The following CCDC39 variants were observed in gnomAD, a reference collection of about 807,000 sequenced individuals.
CCDC39 encodes the protein coiled-coil domain-containing protein 39.
A neutral mutation model predicts 121.0 loss-of-function variants in CCDC39; 113 were observed. The observed-to-expected ratio is 0.93, with a 90% CI of 0.80 to 1.09. The LOEUF (loss-of-function observed/expected upper bound fraction) is 1.09. Ranked by LOEUF, CCDC39 falls within the 50% of genes least tolerant of loss-of-function variation. CCDC39 has a pLI of 0.00. For missense variants in CCDC39, 1,063 were observed against 1,074.7 expected, an observed-to-expected ratio of 0.99 and a Z score of 0.15; for synonymous variants, 349 against 352.2, an observed-to-expected ratio of 0.99 and a Z score of 0.10.
intron 14 of CCDC39, among the ~76,000 whole-genome samples, chr3:180,623,077 T>TA (rs1717467592): frequency 7.9e-6 from 1 of 125,790 alleles, no homozygotes; most frequent in African/African-American, 3.5e-5. Context: ...GTTTGGAGAT[T>TA]TTTATTATTA....
At chr3:180,635,904 C>A (rs543041009) in intron 13 of CCDC39, among the ~76,000 whole-genome samples, 8 of 152,286 alleles carry the variant, frequency 5.3e-5, no homozygotes, top group African/African-American at 1.9e-4. Flanking sequence ...AAAGTCAACT[C>A]CTCTTCATGT....
intron 13 of CCDC39, among the ~76,000 whole-genome samples, chr3:180,641,308 C>G (rs1717950662): frequency 6.6e-6 from 1 of 151,992 alleles, no homozygotes; most frequent in Non-Finnish European, 1.5e-5. Flanking sequence ...TAGAAATAAA[C>G]TACAGTAAAC....
chr3:180,666,616 A>C (rs886474925), intron 1 of CCDC39, among the ~76,000 whole-genome samples: 8 of 152,202 alleles, frequency 5.3e-5, no homozygotes, highest in African/African-American at 1.7e-4. Flanking sequence ...TTATAATTGC[A>C]TAATGTCCCC....
In CCDC39 at chr3:180,679,339, C is replaced by G; in HGVS notation, c.42G>C (p.Gly14=). Residue 14 remains glycine, a synonymous_variant, in exon 1 of 20, where the codon GGG becomes GGC. Transcript: ENST00000476379. The surrounding 1 kb of genome is among the most constrained non-coding windows in gnomAD (Gnocchi z 4.0). ...EFLAELHWED[G]FAIPVANEEN... Reference sequence around the variant, plus strand: ...CCTCGTTCGCCACCGGGATGGCGAACCCATCCTCCCAGTGCAGCTCAGCCA... The same window carrying G: ...CCTCGTTCGCCACCGGGATGGCGAAGCCATCCTCCCAGTGCAGCTCAGCCA... 1.2e-6 allele frequency: 2 copies of G among 1,613,910 alleles called. No homozygotes were observed. Among genetic ancestry groups the G allele is most frequent in the Non-Finnish European group, 1.7e-6 (2 of 1,179,838 alleles).
At chr3:180,664,696 A>T (rs562944513) in intron 1 of CCDC39, among the ~76,000 whole-genome samples, 4 of 147,812 alleles carry the variant, frequency 2.7e-5, no homozygotes, top group South Asian at 4.2e-4. Context: ...ACCACAAGAG[A>T]TCTTTTTTTT....
rs182116054 is a variant in CCDC39, at chr3:180,655,717, T to C, written c.739-764A>G. Among the ~76,000 whole-genome samples, 147 of 152,046 alleles carry C rather than the reference T, an allele frequency of 9.7e-4. 1 individual carries two copies. The highest frequency in any genetic ancestry group is 5.7e-4 in the Non-Finnish European group (39 of 67,966). On this transcript the variant is annotated intron_variant, in intron 6 of 19. Transcript: ENST00000476379. Reference sequence around the variant, plus strand: ...ATATTAAGAAGGGTTGGGGTCCAGATGAAAGAGATAAAGCTGGAAAGGTAG... The same window carrying C: ...ATATTAAGAAGGGTTGGGGTCCAGACGAAAGAGATAAAGCTGGAAAGGTAG...
intron 16 of CCDC39, chr3:180,617,446 C>T (rs1717289490): frequency 1.5e-6 from 1 of 684,936 alleles, no homozygotes; most frequent in Non-Finnish European, 2.7e-6. Context: ...GGAGATATTC[C>T]AGAAGAGGGC....
chr3:180,624,701 G>C (rs1299522878), intron 14 of CCDC39, among the ~76,000 whole-genome samples: 5 of 152,092 alleles, frequency 3.3e-5, no homozygotes, highest in Non-Finnish European at 5.9e-5. Context: ...AATTCCCTTA[G>C]TGTTTGCTTT....
At chr3:180,652,045 A>T in intron 8 of CCDC39, 118 bp downstream of exon 8, 1 of 640,422 alleles carries the variant, frequency 1.6e-6, no homozygotes, top group Non-Finnish European at 2.6e-6. Context: ...TCAAAAAAAA[A>T]AAAAGTAGTA....
Position 180,631,560 on chromosome 3 carries a change from T to C in CCDC39, c.1907A>G (p.Glu636Gly), listed in dbSNP as rs1264333062. The change falls in exon 14 of 20, where the codon GAG becomes GGG. Residue 636 changes from glutamate to glycine, a missense_variant. Glu to Gly is a moderately conservative substitution (Grantham distance 98). Transcript: ENST00000476379. ...TEFRERLSKI[E>G]KLKNRYEILT... Reference sequence around the variant, plus strand: ...AATTTCATATCTATTCTTCAGCTTCTCAATTTTACTTAGCCGCTCGCGAAA... The same window carrying C: ...AATTTCATATCTATTCTTCAGCTTCCCAATTTTACTTAGCCGCTCGCGAAA... 6.2e-7 allele frequency: 1 copy of C among 1,609,082 alleles called. No individual in the cohort carries two copies. Among genetic ancestry groups the C allele is most frequent in the Non-Finnish European group, 8.5e-7 (1 of 1,179,258 alleles).
intron 12 of CCDC39, among the ~76,000 whole-genome samples, chr3:180,643,803 T>C (rs751138242): frequency 3.3e-5 from 5 of 152,032 alleles, no homozygotes; most frequent in Non-Finnish European, 7.4e-5. Flanking sequence ...GAAACAAAAA[T>C]CTAAAAAATA....
chr3:180,619,665 C>A, intron 15 of CCDC39, 146 bp downstream of exon 15: 1 of 564,000 alleles, frequency 1.8e-6, no homozygotes, highest in Non-Finnish European at 3.0e-6. Context: ...AAAAAAATGT[C>A]GTGGGGGGAG....
chr3:180,650,935 C>T lies in CCDC39; in HGVS notation c.1167+466G>A, dbSNP rs577064765. 5.3e-5 allele frequency among the ~76,000 whole-genome samples: 8 copies of T among 150,488 alleles called. No individual in the cohort carries two copies. The South Asian group carries it at 1.1e-3, about 20-fold the overall frequency. On this transcript the variant is annotated intron_variant, in intron 9 of 19. Coordinates refer to ENST00000476379, the MANE Select transcript of CCDC39 (RefSeq NM_181426.2). The stretch of plus-strand genomic sequence containing the variant: ...TAGCTTAAAAAGAGAGGAGGCTGGC[C>T]GGCACAGTGGCTCACACCTGTAATC...
intron 15 of CCDC39, among the ~76,000 whole-genome samples, 160 bp from the exon 16 acceptor site, chr3:180,619,525 T>C (rs931986993): frequency 6.6e-6 from 1 of 152,038 alleles, no homozygotes; most frequent in African/African-American, 2.4e-5. Flanking sequence ...CCATTTCTTG[T>C]TTTGTCAACA....
chr3:180,619,174 G>C, intron 16 of CCDC39, 85 bp downstream of exon 16: 1 of 711,398 alleles, frequency 1.4e-6, no homozygotes, highest in Non-Finnish European at 2.5e-6. Context: ...TGTCTTCTTG[G>C]TGGAAGAGCA....
chr3:180,625,368 T>TATC (rs1257525493), intron 14 of CCDC39, among the ~76,000 whole-genome samples: 1 of 151,436 alleles, frequency 6.6e-6, no homozygotes, highest in East Asian at 1.9e-4. Context: ...TTTTTTAAGA[T>TATC]ATCTCCTTGG....
At chr3:180,676,740 C>T (rs1449530955) in intron 1 of CCDC39, among the ~76,000 whole-genome samples, 2 of 152,106 alleles carry the variant, frequency 1.3e-5, no homozygotes, top group African/African-American at 4.8e-5. Context: ...TGGAACCAAC[C>T]CAAATGTCCA....
At chr3:180,660,544 A>G (rs752991267) in intron 4 of CCDC39, 26 bp downstream of exon 4, 1 of 1,539,926 alleles carries the variant, frequency 6.5e-7, no homozygotes, top group East Asian at 2.3e-5. Context: ...GAGAAAACCT[A>G]ACAGTTACAA....
chr3:180,635,836 A>G (rs763860548), intron 13 of CCDC39, among the ~76,000 whole-genome samples: 4 of 152,232 alleles, frequency 2.6e-5, no homozygotes, highest in Non-Finnish European at 4.4e-5. Flanking sequence ...TCACATAAAC[A>G]GAACTAAAGA....
Sources: allele counts gnomAD v4.1 joint callset (sites outside exome capture counted in the v4.1 genomes callset), GRCh38; gene constraint gnomAD v4.1.1; non-coding constraint Gnocchi (gnomAD v3.1); transcripts MANE v1.5; gene names NCBI Gene and HGNC (gene_info 2026-07-23, HGNC 2026-07-21).